Variants in RAP1B observed in about 807,000 individuals in gnomAD.
RAP1B encodes the protein ras-related protein Rap-1b.
A neutral mutation model predicts 27.5 loss-of-function variants in RAP1B; 1 was observed. The observed-to-expected ratio is 0.04, with a 90% CI of 0.01 to 0.17. The LOEUF is 0.17. Ranked by LOEUF, RAP1B falls within the 10% of genes least tolerant of loss-of-function variation. The pLI is 1.00. For missense variants in RAP1B, 84 were observed against 214.8 expected (o/e 0.39, Z 3.81); for synonymous variants, 75 against 73.1 (o/e 1.03, Z -0.13).
rs146545982 is a variant in RAP1B at position 68,642,837 on chromosome 12, C to T, written c.-26-5862C>T. 66 of 998,312 alleles carry T rather than the reference C, an allele frequency of 6.6e-5. No individual in the cohort carries two copies. In the African/African-American group the frequency reaches 9.2e-4, roughly 14 times the overall value. The allele number at this position is 998,312 out of a possible 1,614,324, so 61.8% of individuals were successfully genotyped here. On this transcript the variant is annotated intron_variant, in intron 1 of 7. Transcript: ENST00000250559. ...ACGTTGGCCTTGTAGTAAGCCCAGT[C>T]GATAACCGGTGGATTCTCAGGTAAA...
intron 5 of RAP1B, among the ~76,000 whole-genome samples, chr12:68,655,916 T>A (rs1253171828): frequency 2.0e-5 from 3 of 152,318 alleles, no homozygotes; most frequent in East Asian, 3.9e-4. Context: ...GATAAAATTT[T>A]AAGGTTTTTT....
At chr12:68,637,688 G>A (rs1272468711) in intron 1 of RAP1B, among the ~76,000 whole-genome samples, 4 of 148,754 alleles carry the variant, frequency 2.7e-5, no homozygotes, top group African/African-American at 9.9e-5. Flanking sequence ...GCTAGTTTTG[G>A]TCTCCTTATT....
intron 1 of RAP1B, among the ~76,000 whole-genome samples, chr12:68,625,922 AAAAAAAAAAAAAAGTTTCAGGTGT>A (rs1441075217): frequency 1.5e-5 from 2 of 130,206 alleles, no homozygotes; most frequent in African/African-American, 4.1e-5. Context: ...CTCTGTCTCA[AAAAAAAAAAAAAAGTTTCAGGTGT>A]ATTCAGGAGT....
chr12:68,639,069 G>A (rs530596873), intron 1 of RAP1B, among the ~76,000 whole-genome samples: 48 of 152,144 alleles, frequency 3.2e-4, no homozygotes, highest in Admixed American at 3.9e-4. Context: ...GGATCTAGTC[G>A]AGAAGTCAAA....
chr12:68,637,244 C>T (rs1872687521), intron 1 of RAP1B, among the ~76,000 whole-genome samples: 1 of 152,142 alleles, frequency 6.6e-6, no homozygotes, highest in South Asian at 2.1e-4. Flanking sequence ...AGTGTACATT[C>T]TTAATCTGTC....
chr12:68,656,536 G>T, intron 6 of RAP1B, 87 bp downstream of exon 6: 1 of 1,314,984 alleles, frequency 7.6e-7, no homozygotes, highest in Non-Finnish European at 1.1e-6. Flanking sequence ...AAGTTAATAT[G>T]TACTCAGGGT....
At chr12:68,635,340 C>G (rs1263306497) in intron 1 of RAP1B, among the ~76,000 whole-genome samples, 1 of 152,088 alleles carries the variant, frequency 6.6e-6, no homozygotes, top group African/African-American at 2.4e-5. Flanking sequence ...ACACAGTTAC[C>G]CTCTTTAGCT....
rs1278401980 is a variant in RAP1B, at chr12:68,663,062, CTTTT to C, written c.*3815_*3818del. ...ACACATTTGAATTTTCTTTTTTTTT[CTTTT>C]TCTTTTTTTTTTTTGAGACTGAGTT... On this transcript the variant is annotated 3_prime_UTR_variant, in exon 8 of 8. Transcript: ENST00000250559. The C allele has an allele frequency of 2.7e-5, 4 of 150,208 alleles. No individual in the cohort carries two copies. The highest frequency in any genetic ancestry group is 2.1e-4 in the South Asian group (1 of 4,748). 9.3% of individuals were successfully genotyped at this position (150,208 alleles called of 1,614,324 possible). A position where few individuals can be genotyped will look rare whatever the true frequency, so the allele number is the denominator to read the frequency against.
At chr12:68,623,309 A>G (rs1871515022) in intron 1 of RAP1B, among the ~76,000 whole-genome samples, 1 of 152,174 alleles carries the variant, frequency 6.6e-6, no homozygotes, top group Non-Finnish European at 1.5e-5. Context: ...AAAAGACAGT[A>G]AAAATAAGGT....
At chr12:68,651,429 A>T (rs1873808197) in intron 3 of RAP1B, among the ~76,000 whole-genome samples, 1 of 152,010 alleles carries the variant, frequency 6.6e-6, no homozygotes, top group South Asian at 2.1e-4. Flanking sequence ...AGACAGTATT[A>T]CTCTTTTCTT....
chr12:68,663,705 C>T lies in RAP1B; in HGVS notation c.*4456C>T, dbSNP rs1874725947. On this transcript the variant is annotated 3_prime_UTR_variant, in exon 8 of 8. Coordinates refer to ENST00000250559, the MANE Select transcript of RAP1B (RefSeq NM_001010942.3). ...TGTAGGTTACTGACCTTAGGAATTACAGGCTTTATCCAAAATTAGGCATAT... is the reference window on the plus strand; with the variant it reads ...TGTAGGTTACTGACCTTAGGAATTATAGGCTTTATCCAAAATTAGGCATAT... The T allele has an allele frequency of 6.6e-6, 1 of 152,184 alleles. No homozygotes were observed. Among genetic ancestry groups the T allele is most frequent in the African/African-American group, 2.4e-5 (1 of 41,438 alleles). The allele number at this position is 152,184 out of a possible 1,614,324, so 9.4% of individuals were successfully genotyped here.
At chr12:68,653,225 T>C (rs1289512255) in intron 4 of RAP1B, among the ~76,000 whole-genome samples, 2 of 151,950 alleles carry the variant, frequency 1.3e-5, no homozygotes, top group Non-Finnish European at 2.9e-5. Context: ...AAAAGAAATA[T>C]TTTGATTGGT....
In RAP1B at chr12:68,654,135, T is replaced by C; in HGVS notation, c.207T>C (p.Asp69=). ...AGTEQFTAMR[D]LYMKNGQGFA... ...AGGAGCAATTTACAGCAATGAGGGA[T>C]TTATACATGAAAAATGGACAAGGAT... is the stretch of plus-strand genomic sequence containing the variant. Residue 69 remains aspartate, a synonymous_variant, in exon 5 of 8, where the codon GAT becomes GAC. Transcript: ENST00000250559. The C allele has an allele frequency of 6.3e-7, 1 of 1,596,658 alleles. No individual in the cohort carries two copies. Among genetic ancestry groups the C allele is most frequent in the Non-Finnish European group, 8.6e-7 (1 of 1,164,792 alleles).
chr12:68,611,284 C>G (rs1347123670), intron 1 of RAP1B, among the ~76,000 whole-genome samples: 1 of 150,566 alleles, frequency 6.6e-6, no homozygotes, highest in Non-Finnish European at 1.5e-5. Context: ...CGCGGGAGAA[C>G]AGCGCGCTTT....
rs1458054247 is a variant in RAP1B, at chr12:68,665,145, A to T, written c.*5896A>T. The T allele has an allele frequency of 1.3e-5, 2 of 152,256 alleles. No homozygotes were observed. The highest frequency in any genetic ancestry group is 2.9e-5 in the Non-Finnish European group (2 of 68,074). The allele number at this position is 152,256 out of a possible 1,614,324, so 9.4% of individuals were successfully genotyped here. A position where few individuals can be genotyped will look rare whatever the true frequency, so the allele number is the denominator to read the frequency against. On this transcript the variant is annotated 3_prime_UTR_variant, in exon 8 of 8. Coordinates refer to ENST00000250559, the MANE Select transcript of RAP1B (RefSeq NM_001010942.3). ...TCACTTGACAAAAGTATCTTTCCCT[A>T]CTGGAAATGGAATAGAATCGGATGG... is the stretch of plus-strand genomic sequence containing the variant.
In RAP1B at chr12:68,633,281, C is replaced by T. The variant is rs116310423; in HGVS notation, c.-26-15418C>T. Among the ~76,000 whole-genome samples, 344 of 152,300 alleles carry T rather than the reference C, an allele frequency of 2.3e-3. 2 individuals carry two copies. Among genetic ancestry groups the T allele is most frequent in the African/African-American group, 7.7e-3 (320 of 41,556 alleles). On this transcript the variant is annotated intron_variant, in intron 1 of 7. Transcript: ENST00000250559. ...TACTCATCCCGTTCCCCAGAGCGCC[C>T]TCACTTTCCAAGTGAACTCCCCTAT...
Position 68,670,607 on chromosome 12 carries a change from G to C in RAP1B, c.*11358G>C, listed in dbSNP as rs1875048115. The C allele has an allele frequency of 6.6e-6, 1 of 152,156 alleles. No individual in the cohort carries two copies. The highest frequency in any genetic ancestry group is 1.5e-5 in the Non-Finnish European group (1 of 68,024). The allele number at this position is 152,156 out of a possible 1,614,324, so 9.4% of individuals were successfully genotyped here. ...AAGTCGAAAATGCATTTAATACCCT[G>C]ATAAATCCATCACAAAGCTGAAAAA... is the stretch of plus-strand genomic sequence containing the variant. On this transcript the variant is annotated 3_prime_UTR_variant, in exon 8 of 8. Coordinates refer to ENST00000250559, the MANE Select transcript of RAP1B (RefSeq NM_001010942.3).
At chr12:68,621,179 A>G (rs1871359099) in intron 1 of RAP1B, among the ~76,000 whole-genome samples, 1 of 152,042 alleles carries the variant, frequency 6.6e-6, no homozygotes. Context: ...GCATTATAGA[A>G]CTCCTGCCTG....
chr12:68,622,073 T>C (rs1871423368), intron 1 of RAP1B, among the ~76,000 whole-genome samples: 2 of 152,210 alleles, frequency 1.3e-5, no homozygotes, highest in African/African-American at 4.8e-5. Context: ...GGTGGTAACA[T>C]TGACCTAGGT....
Sources: allele counts gnomAD v4.1 joint callset (sites outside exome capture counted in the v4.1 genomes callset), GRCh38; gene constraint gnomAD v4.1.1; transcripts MANE v1.5; gene names NCBI Gene and HGNC (gene_info 2026-07-23, HGNC 2026-07-21).